The following EPHA3 variants were observed in gnomAD, a reference collection of about 807,000 sequenced individuals.
EPHA3 encodes ephrin type-A receptor 3.
In EPHA3, 42 loss-of-function variants were observed where a neutral mutation model predicts 107.1. That is an observed-to-expected ratio of 0.39 (90% CI 0.31 to 0.51). The LOEUF is 0.51. EPHA3 is among the 20% of genes least tolerant of loss of function. The probability of loss-of-function intolerance (pLI) is 0.78; values close to 1 mark genes in which losing one functional copy is unlikely to be tolerated. For synonymous variants in EPHA3, 461 were observed against 424.8 expected (o/e 1.09, Z -1.05); for missense variants, 1,183 against 1,211.2 (o/e 0.98, Z 0.35).
At chr3:89,113,740 G>GT (rs1314691533) in intron 1 of EPHA3, among the ~76,000 whole-genome samples, 1 of 82,242 alleles carries the variant, frequency 1.2e-5, no homozygotes, top group African/African-American at 6.5e-5. Context: ...GGTTGAGGTG[G>GT]GGGGGGGCTG....
intron 3 of EPHA3, among the ~76,000 whole-genome samples, chr3:89,327,646 G>A (rs1395150586): frequency 6.6e-6 from 1 of 152,102 alleles, no homozygotes; most frequent in African/African-American, 2.4e-5. Context: ...AAATTGGTAG[G>A]TGCAGTTGGG....
chr3:89,453,496 G>GA (rs927242023), intron 15 of EPHA3, among the ~76,000 whole-genome samples: 5 of 151,456 alleles, frequency 3.3e-5, no homozygotes, highest in Admixed American at 6.6e-5. Flanking sequence ...CATAATTTTA[G>GA]AAAAAAATCA....
chr3:89,479,764 A>C lies in EPHA3; in HGVS notation c.*262A>C. The C allele has an allele frequency of 2.5e-6, 1 of 398,338 alleles. No individual in the cohort carries two copies. Among genetic ancestry groups the C allele is most frequent in the East Asian group, 3.9e-5 (1 of 25,784 alleles). 24.7% of individuals were successfully genotyped at this position (398,338 alleles called of 1,614,324 possible). A position where few individuals can be genotyped will look rare whatever the true frequency, so the allele number is the denominator to read the frequency against. ...GGATTAAATTTAATTCTTCAGCGTA[A>C]AATGGTGAAGAACTAGCATATAGCC... On this transcript the variant is annotated 3_prime_UTR_variant, in exon 17 of 17. Coordinates refer to ENST00000336596, the MANE Select transcript of EPHA3 (RefSeq NM_005233.6).
intron 3 of EPHA3, among the ~76,000 whole-genome samples, chr3:89,232,073 A>C (rs757621687): frequency 5.9e-5 from 9 of 152,214 alleles, no homozygotes; most frequent in Non-Finnish European, 1.3e-4. Context: ...GAAAGACAGG[A>C]GAAGGTCAGA....
At chr3:89,263,053 C>T (rs1705458993) in intron 3 of EPHA3, among the ~76,000 whole-genome samples, 2 of 144,896 alleles carry the variant, frequency 1.4e-5, no homozygotes, top group African/African-American at 5.1e-5. Flanking sequence ...TAGGTATACA[C>T]GTGCCATGGT....
intron 7 of EPHA3, among the ~76,000 whole-genome samples, chr3:89,404,695 A>G (rs1709024195): frequency 6.6e-6 from 1 of 152,170 alleles, no homozygotes; most frequent in African/African-American, 2.4e-5. Context: ...TCTGTGAGTC[A>G]TATATTTTAG....
chr3:89,350,712 G>A (rs1410990242), intron 5 of EPHA3, among the ~76,000 whole-genome samples: 1 of 151,032 alleles, frequency 6.6e-6, no homozygotes, highest in African/African-American at 2.4e-5. Flanking sequence ...AGAGTTTCCA[G>A]TTTTTCTGTT....
At chr3:89,221,312 GC>G (rs1704368893) in intron 3 of EPHA3, among the ~76,000 whole-genome samples, 1 of 152,144 alleles carries the variant, frequency 6.6e-6, no homozygotes, top group Admixed American at 6.6e-5. Flanking sequence ...TGTTCCTTAA[GC>G]TATTCACTTG....
intron 5 of EPHA3, among the ~76,000 whole-genome samples, chr3:89,358,732 G>A (rs1708021624): frequency 6.6e-6 from 1 of 150,858 alleles, no homozygotes; most frequent in African/African-American, 2.4e-5. Flanking sequence ...CATTACTAAA[G>A]CAGAGGAAAA....
At chr3:89,193,516 A>G (rs940915940) in intron 2 of EPHA3, among the ~76,000 whole-genome samples, 1 of 152,028 alleles carries the variant, frequency 6.6e-6, no homozygotes, top group Non-Finnish European at 1.5e-5. Context: ...CTAGTGTTTT[A>G]TACTGCAGGA....
chr3:89,388,984 T>C (rs754659815), intron 5 of EPHA3, among the ~76,000 whole-genome samples: 4 of 152,148 alleles, frequency 2.6e-5, no homozygotes, highest in Non-Finnish European at 5.9e-5. Context: ...AGTTGGTAAA[T>C]GGCAAGGGTT....
At chr3:89,259,262 A>G (rs1395185746) in intron 3 of EPHA3, among the ~76,000 whole-genome samples, 1 of 152,108 alleles carries the variant, frequency 6.6e-6, no homozygotes, top group African/African-American at 2.4e-5. Context: ...GCTTGCAGGG[A>G]CAGGCCATCC....
chr3:89,140,870 C>G (rs908359971), intron 2 of EPHA3, among the ~76,000 whole-genome samples: 8 of 151,648 alleles, frequency 5.3e-5, no homozygotes, highest in African/African-American at 1.9e-4. Flanking sequence ...CTGCTGTGTA[C>G]TAGGTACTAT....
At chr3:89,209,806 A>G in intron 2 of EPHA3, 54 bp from the exon 3 acceptor site, 1 of 1,435,466 alleles carries the variant, frequency 7.0e-7, no homozygotes, top group South Asian at 1.4e-5. Context: ...CTTATGTTGT[A>G]TTCGTTATTA....
chr3:89,444,234 C>T (rs1207939335), intron 13 of EPHA3, among the ~76,000 whole-genome samples: 1 of 152,090 alleles, frequency 6.6e-6, no homozygotes, highest in Non-Finnish European at 1.5e-5. Flanking sequence ...ATATGACAGG[C>T]ACTACTGCTA....
intron 3 of EPHA3, among the ~76,000 whole-genome samples, chr3:89,263,578 T>C (rs1335447188): frequency 6.6e-6 from 1 of 152,276 alleles, no homozygotes; most frequent in African/African-American, 2.4e-5. Flanking sequence ...TCTGGCCATC[T>C]CGGGCCAGAT....
At position 89,356,018 on chromosome 3, in the gene EPHA3, G is replaced by A. The variant is rs1294319011; in HGVS notation, c.1306+13928G>A. ...CCCACAACAGTCCCCAGAGTGTGAT[G>A]TTCCCCTTCCTGTGTCCATGTGTTC... On this transcript the variant is annotated intron_variant, in intron 5 of 16. Coordinates refer to ENST00000336596, the MANE Select transcript of EPHA3 (RefSeq NM_005233.6). 1.3e-4 allele frequency among the ~76,000 whole-genome samples: 15 copies of A among 116,596 alleles called. 1 individual carries two copies. The highest frequency in any genetic ancestry group is 4.7e-4 in the African/African-American group (14 of 29,650). The allele number at this position is 116,596 out of a possible 152,430, so 76.5% of individuals were successfully genotyped here.
chr3:89,136,178 T>C (rs1397196234), intron 2 of EPHA3, among the ~76,000 whole-genome samples: 1 of 151,960 alleles, frequency 6.6e-6, no homozygotes, highest in African/African-American at 2.4e-5. Flanking sequence ...TCCAGGAACA[T>C]CAAATTTTTG....
intron 16 of EPHA3, among the ~76,000 whole-genome samples, chr3:89,476,449 C>CTT (rs1710509057): frequency 6.8e-6 from 1 of 148,052 alleles, no homozygotes; most frequent in South Asian, 2.1e-4. Context: ...TCATAGCAAG[C>CTT]AGCACTCAGT....
Sources: allele counts gnomAD v4.1 joint callset (sites outside exome capture counted in the v4.1 genomes callset), GRCh38; gene constraint gnomAD v4.1.1; transcripts MANE v1.5; gene names NCBI Gene and HGNC (gene_info 2026-07-23, HGNC 2026-07-21).